Variants in IGF2R observed in about 807,000 individuals in gnomAD.
The protein encoded by IGF2R is cation-independent mannose-6-phosphate receptor.
Under a neutral mutation model 270.6 loss-of-function variants are expected in IGF2R, and 91 were observed. The ratio of observed to expected loss-of-function variants is 0.34; its 90% CI spans 0.28 to 0.40. The LOEUF is 0.40. Ranked by LOEUF, IGF2R falls within the 10% of genes least tolerant of loss-of-function variation. IGF2R has a pLI of 1.00. For synonymous variants in IGF2R, 1,316 were observed against 1,258.9 expected (o/e 1.05, Z -0.96); for missense variants, 2,805 against 3,188.3 (o/e 0.88, Z 2.90).
chr6:160,061,626 C>T lies in IGF2R; in HGVS notation c.3386C>T (p.Pro1129Leu), dbSNP rs1349071613. The T allele has an allele frequency of 6.2e-7, 1 of 1,614,078 alleles. No individual in the cohort carries two copies. The highest frequency in any genetic ancestry group is 1.3e-5 in the African/African-American group (1 of 74,940). ...TFYLSVCNPLPYIPGCQGSAV... is the reference protein window; with the variant it reads ...TFYLSVCNPLLYIPGCQGSAV... ...TATTTGAGCGTTTGCAATCCTCTCC[C>T]TTACATTCCTGGATGCCAGGGTGAG... is the stretch of plus-strand genomic sequence containing the variant. Residue 1129 changes from proline to leucine, a missense_variant, in exon 24 of 48, where the codon CCT (proline) becomes CTT (leucine). Around this residue, in one of 2 missense-constraint regions of IGF2R, gnomAD observed 1,851 missense variants for 2,207.2 expected, o/e 0.84. Transcript: ENST00000356956.
rs199789899 is a variant in IGF2R at position 160,072,828 on chromosome 6, A to G, written c.4634A>G (p.Lys1545Arg). The G allele has an allele frequency of 2.7e-5, 44 of 1,614,166 alleles. No individual in the cohort carries two copies. The East Asian group carries it at 9.4e-4, about 34-fold the overall frequency. Residue 1545 changes from lysine to arginine, a missense_variant, in exon 33 of 48, where the codon AAG (lysine) becomes AGG (arginine). Lys to Arg is a conservative substitution (Grantham distance 26). Around this residue, in one of 2 missense-constraint regions of IGF2R, gnomAD observed 1,851 missense variants for 2,207.2 expected, o/e 0.84. Transcript: ENST00000356956. ...GGATTCACAGCTGCTTACAGCGAGA[A>G]GGGGTTGGTTTACATGAGCATCTGT... ...RAGFTAAYSE[K>R]GLVYMSICGE...
chr6:160,073,247 C>G lies in IGF2R; in HGVS notation c.4725C>G (p.Gly1575=). 1 of 1,614,246 alleles carries G rather than the reference C, an allele frequency of 6.2e-7. No individual in the cohort carries two copies. Among genetic ancestry groups the G allele is most frequent in the Non-Finnish European group, 8.5e-7 (1 of 1,180,046 alleles). Residue 1575 remains glycine (G), a synonymous_variant, in exon 34 of 48, where the codon GGC becomes GGG. Transcript: ENST00000356956. ...ACFGQTRISV[G]KANKRLRYVD... ...TTGGACAGACCAGGATTAGCGTGGG[C>G]AAGGCCAACAAGAGGCTGAGATACG...
rs183033735 is a variant in IGF2R at position 160,010,515 on chromosome 6, T to C, written c.415-172T>C. On this transcript the variant is annotated intron_variant, in intron 3 of 47. Transcript: ENST00000356956. ...TTTTATGAAGCTTTGGTCTCAGAAT[T>C]TGCAGATTTGGGAACCTCTTGATGA... 3 of 518,260 alleles carry C rather than the reference T, an allele frequency of 5.8e-6. No individual in the cohort carries two copies. In the South Asian group the frequency reaches 9.1e-5, roughly 16 times the overall value. 32.1% of individuals were successfully genotyped at this position (518,260 alleles called of 1,614,324 possible). A position where few individuals can be genotyped will look rare whatever the true frequency, so the allele number is the denominator to read the frequency against.
At chr6:160,031,187 CAT>C (rs1777688809) in intron 7 of IGF2R, among the ~76,000 whole-genome samples, 1 of 152,192 alleles carries the variant, frequency 6.6e-6, no homozygotes, top group African/African-American at 2.4e-5. Flanking sequence ...CCTTGTGTGA[CAT>C]GTGCTTGGAC....
intron 42 of IGF2R, 28 bp from the exon 43 acceptor site, chr6:160,089,079 A>G (rs1420303741): frequency 1.2e-6 from 2 of 1,605,530 alleles, no homozygotes; most frequent in African/African-American, 2.7e-5. Flanking sequence ...TGGGGAAGTG[A>G]CTGTAGCCTG....
intron 39 of IGF2R, among the ~76,000 whole-genome samples, chr6:160,080,693 G>C (rs1262355913): frequency 6.6e-6 from 1 of 152,178 alleles, no homozygotes; most frequent in Non-Finnish European, 1.5e-5. Flanking sequence ...GGCAGCCCAG[G>C]TGGGGATGGA....
rs749635350 is a variant in IGF2R at position 160,010,742 on chromosome 6, C to T, written c.470C>T (p.Thr157Ile). The T allele has an allele frequency of 1.2e-6, 2 of 1,612,124 alleles. No individual in the cohort carries two copies. Among genetic ancestry groups the T allele is most frequent in the Middle Eastern group, 1.6e-4 (1 of 6,080 alleles). The change falls in exon 4 of 48, where the codon ACC (threonine) becomes ATC (isoleucine). Residue 157 changes from threonine to isoleucine, a missense_variant. By Grantham distance (89) the Thr-to-Ile change is moderately conservative (BLOSUM62 -1). Around this residue, in one of 2 missense-constraint regions of IGF2R, gnomAD observed 954 missense variants for 981.1 expected, o/e 0.97. Transcript: ENST00000356956. Reference protein sequence around the residue: ...TECVHYFEWRTTAACKKDIFK... With the variant: ...TECVHYFEWRITAACKKDIFK... ...TGTGTGCACTACTTTGAGTGGAGGA[C>T]CACTGCAGCCTGCAAGAAAGACATA...
rs1008712654 is a variant in IGF2R at position 159,996,609 on chromosome 6, G to A, written c.289+5286G>A. ...TGCTCCAGCTCCATGGCCTGGGCAG[G>A]TGGGAGCACAATCTGCCTCCCTGTC... On this transcript the variant is annotated intron_variant, in intron 2 of 47. Transcript: ENST00000356956. Among the ~76,000 whole-genome samples the A allele has an allele frequency of 4.6e-5, 7 of 152,282 alleles. No individual in the cohort carries two copies. The East Asian group carries it at 1.4e-3, about 29-fold the overall frequency.
chr6:160,065,010 C>G, intron 29 of IGF2R, 109 bp downstream of exon 29: 1 of 732,512 alleles, frequency 1.4e-6, no homozygotes, highest in South Asian at 1.5e-5. Context: ...GTTAATTTAC[C>G]TAGGACTCGG....
intron 4 of IGF2R, among the ~76,000 whole-genome samples, chr6:160,010,992 A>AT (rs1784324927): frequency 6.6e-6 from 1 of 152,224 alleles, no homozygotes; most frequent in South Asian, 2.1e-4. Context: ...ACAGGATGTG[A>AT]TTTTTGGTCC....
At chr6:160,022,212 G>T (rs954735493) in intron 4 of IGF2R, among the ~76,000 whole-genome samples, 3 of 152,162 alleles carry the variant, frequency 2.0e-5, no homozygotes, top group African/African-American at 7.2e-5. Context: ...ATAGAGACTG[G>T]AATAATAAAT....
intron 36 of IGF2R, among the ~76,000 whole-genome samples, chr6:160,076,489 C>A (rs1320940303): frequency 6.6e-6 from 1 of 152,062 alleles, no homozygotes; most frequent in Non-Finnish European, 1.5e-5. Flanking sequence ...AAAAGAATAC[C>A]AGCTTCCATT....
At position 160,046,578 on chromosome 6, in the gene IGF2R, A is replaced by G; in HGVS notation, c.1984A>G (p.Asn662Asp). Residue 662 changes from asparagine to aspartate, a missense_variant, in exon 15 of 48, where the codon AAT becomes GAT. By Grantham distance (23) the Asn-to-Asp change is conservative. This residue lies in a region of IGF2R where 954 missense variants were observed against 981.1 expected (regional missense o/e 0.97). Transcript: ENST00000356956. ...GACAAAGAAGTATGACTTTTATATA[A>G]ATGTGTGTGGCCCGGTGTCTGTGAG... is the stretch of plus-strand genomic sequence containing the variant. Reference protein sequence around the residue: ...VETKKYDFYINVCGPVSVSPC... With the variant: ...VETKKYDFYIDVCGPVSVSPC... 2 of 1,614,006 alleles carry G rather than the reference A, an allele frequency of 1.2e-6. No homozygotes were observed. The highest frequency in any genetic ancestry group is 2.2e-5 in the East Asian group (1 of 44,882).
rs771140949 is a variant in IGF2R, at chr6:160,104,801, C to T, written c.7193C>T (p.Ala2398Val). The T allele has an allele frequency of 9.5e-5, 153 of 1,614,020 alleles. No homozygotes were observed. The highest frequency in any genetic ancestry group is 1.2e-4 in the Non-Finnish European group (140 of 1,180,026). Residue 2398 changes from alanine (A) to valine (V), a missense_variant, in exon 48 of 48, where the codon GCC becomes GTC. Physicochemically the swap from Ala to Val is moderately conservative, Grantham distance 64. Transcript: ENST00000356956. ...NGHITTKSVK[A>V]LSSLHGDDQD... ...CATATTACCACCAAGTCAGTGAAAG[C>T]CCTCAGCTCCCTGCATGGGGATGAC...
At chr6:160,033,531 G>C (rs1463029033) in intron 9 of IGF2R, among the ~76,000 whole-genome samples, 1 of 152,350 alleles carries the variant, frequency 6.6e-6, no homozygotes, top group East Asian at 1.9e-4. Context: ...GGGAGAATCA[G>C]TTACTCCAGC....
chr6:160,040,847 G>A, intron 11 of IGF2R, 123 bp downstream of exon 11: 1 of 896,912 alleles, frequency 1.1e-6, no homozygotes, highest in Non-Finnish European at 1.7e-6. Context: ...CCCTCCCCCA[G>A]TTTTTTCATG....
At chr6:160,100,835 G>T (rs1779469981) in intron 45 of IGF2R, among the ~76,000 whole-genome samples, 1 of 98,626 alleles carries the variant, frequency 1.0e-5, no homozygotes, top group African/African-American at 3.6e-5. Flanking sequence ...CTTTTGCCCA[G>T]GCTGGAGTGC....
intron 29 of IGF2R, among the ~76,000 whole-genome samples, chr6:160,067,956 T>C (rs1249837402): frequency 6.6e-6 from 1 of 152,190 alleles, no homozygotes; most frequent in Non-Finnish European, 1.5e-5. Context: ...GCACGCACTT[T>C]GCAGACTTGA....
intron 32 of IGF2R, 79 bp from the exon 33 acceptor site, chr6:160,072,686 G>A (rs1032236154): frequency 5.5e-5 from 84 of 1,518,296 alleles, no homozygotes; most frequent in Admixed American, 2.0e-4. Context: ...CATAATCTGT[G>A]TGTGAGCTCG....
Sources: allele counts gnomAD v4.1 joint callset (sites outside exome capture counted in the v4.1 genomes callset), GRCh38; gene constraint gnomAD v4.1.1; regional missense constraint gnomAD v4.1.1; transcripts MANE v1.5; gene names NCBI Gene and HGNC (gene_info 2026-07-23, HGNC 2026-07-21).